The following DPP4 variants were observed in gnomAD, a reference collection of about 807,000 sequenced individuals.
The protein encoded by DPP4 is dipeptidyl peptidase 4, also known as ADCP-2.
DPP4 carries 93 observed loss-of-function variants against 122.4 expected under a neutral mutation model. The ratio of observed to expected loss-of-function variants is 0.76; its 90% CI spans 0.64 to 0.90. The LOEUF is 0.90. Among genes scored for constraint, DPP4 ranks in the 40% least tolerant of loss-of-function variants. The pLI is 0.00. For missense variants in DPP4, 914 were observed against 907.3 expected, an observed-to-expected ratio of 1.01 and a Z score of -0.09; for synonymous variants, 321 against 302.9, an observed-to-expected ratio of 1.06 and a Z score of -0.62.
intron 2 of DPP4, among the ~76,000 whole-genome samples, chr2:162,069,820 T>A (rs944802284): frequency 6.6e-5 from 10 of 152,208 alleles, no homozygotes; most frequent in African/African-American, 2.4e-4. Context: ...CATTTGGGTT[T>A]TCTCTTATTA....
chr2:161,996,906 G>A (rs1008385724), intron 23 of DPP4, among the ~76,000 whole-genome samples: 1 of 152,168 alleles, frequency 6.6e-6, no homozygotes, highest in Non-Finnish European at 1.5e-5. Context: ...TTAAACAAGG[G>A]TGGGCTACTG....
intron 8 of DPP4, 97 bp from the exon 9 acceptor site, chr2:162,035,421 A>T (rs1576054836): frequency 3.6e-6 from 4 of 1,115,824 alleles, no homozygotes; most frequent in South Asian, 1.6e-5. Context: ...TAATTACAGT[A>T]GAGTTCAACT....
chr2:162,008,528 C>G, intron 22 of DPP4, 34 bp downstream of exon 22: 1 of 1,578,450 alleles, frequency 6.3e-7, no homozygotes, highest in Non-Finnish European at 8.7e-7. Flanking sequence ...GGTCAACACT[C>G]CGTATCTCTT....
chr2:162,014,700 T>C (rs989646252), intron 18 of DPP4, among the ~76,000 whole-genome samples: 25 of 152,348 alleles, frequency 1.6e-4, no homozygotes, highest in African/African-American at 5.5e-4. Context: ...ATCTATTAAA[T>C]ACATTGGTGC....
intron 2 of DPP4, among the ~76,000 whole-genome samples, chr2:162,048,710 C>G (rs1206659498): frequency 6.6e-6 from 1 of 152,160 alleles, no homozygotes; most frequent in Non-Finnish European, 1.5e-5. Flanking sequence ...TTCATGAAGA[C>G]TAGTTCTGCC....
intron 14 of DPP4, among the ~76,000 whole-genome samples, 165 bp downstream of exon 14, chr2:162,020,064 A>C (rs1247561973): frequency 6.6e-6 from 1 of 152,228 alleles, no homozygotes; most frequent in African/African-American, 2.4e-5. Context: ...TGCTAAGCAT[A>C]TGTGAAAATC....
In DPP4 at chr2:162,045,531, C is replaced by T. The variant is rs1247440323; in HGVS notation, c.366+1G>A. ...TTACAGTAAGAAAGCATTTATTTTA[C>T]CTTCACGTAGTTGTATTCTAAGAGA... On this transcript the variant is annotated splice_donor_variant, in intron 5 of 25. Transcript: ENST00000360534. LOFTEE classifies it high-confidence loss of function. 2 of 1,599,268 alleles carry T rather than the reference C, an allele frequency of 1.3e-6. No individual in the cohort carries two copies. The highest frequency in any genetic ancestry group is 1.3e-5 in the African/African-American group (1 of 74,544).
intron 1 of DPP4, 143 bp from the exon 2 acceptor site, chr2:162,073,629 T>C (rs1576080163): frequency 5.4e-6 from 4 of 735,650 alleles, no homozygotes; most frequent in Non-Finnish European, 9.4e-6. Context: ...GGGGTGGGGG[T>C]GGCGTCTGGA....
chr2:162,024,734 C>T, intron 11 of DPP4, 70 bp downstream of exon 11: 6 of 1,542,166 alleles, frequency 3.9e-6, no homozygotes, highest in Non-Finnish European at 5.2e-6. Context: ...CCAGCCTTCA[C>T]TCTCCCCAAC....
At chr2:162,011,709 A>G in intron 20 of DPP4, 84 bp downstream of exon 20, 1 of 1,384,372 alleles carries the variant, frequency 7.2e-7, no homozygotes, top group South Asian at 1.4e-5. Context: ...ACTTTAAATT[A>G]TTTACACTTT....
At chr2:162,058,962 T>C (rs992925995) in intron 2 of DPP4, among the ~76,000 whole-genome samples, 1 of 152,234 alleles carries the variant, frequency 6.6e-6, no homozygotes, top group Non-Finnish European at 1.5e-5. Flanking sequence ...GAAACTCCAA[T>C]TACCCTGAAA....
intron 2 of DPP4, among the ~76,000 whole-genome samples, chr2:162,055,541 CA>C (rs1431945071): frequency 2.6e-5 from 4 of 151,112 alleles, no homozygotes; most frequent in East Asian, 1.9e-4. Context: ...TACTAAAATA[CA>C]AAAAAAAGTC....
At chr2:162,006,912 AT>A (rs1489096321) in intron 22 of DPP4, among the ~76,000 whole-genome samples, 1 of 152,090 alleles carries the variant, frequency 6.6e-6, no homozygotes, top group East Asian at 1.9e-4. Flanking sequence ...GATTTCATTA[AT>A]TTTAAAAATG....
intron 12 of DPP4, chr2:162,021,343 AT>A (rs1199483728): frequency 6.6e-6 from 1 of 152,124 alleles, no homozygotes; most frequent in Non-Finnish European, 1.5e-5. Flanking sequence ...ACAAATTTCC[AT>A]TTTTTTACAG....
intron 23 of DPP4, among the ~76,000 whole-genome samples, chr2:161,996,475 G>C (rs1472473677): frequency 1.3e-5 from 2 of 152,132 alleles, no homozygotes; most frequent in Non-Finnish European, 2.9e-5. Flanking sequence ...TGGGAACCTT[G>C]GTGGTCTGGC....
At chr2:162,023,533 C>T (rs1414480835) in intron 11 of DPP4, among the ~76,000 whole-genome samples, 1 of 152,208 alleles carries the variant, frequency 6.6e-6, no homozygotes, top group Non-Finnish European at 1.5e-5. Context: ...GATGCCTTTG[C>T]ACAGCCCTCT....
At chr2:162,005,307 TG>T (rs1409447741) in intron 23 of DPP4, among the ~76,000 whole-genome samples, 1 of 152,134 alleles carries the variant, frequency 6.6e-6, no homozygotes, top group African/African-American at 2.4e-5. Context: ...CTTAAATCTT[TG>T]TGAAAAAAAA....
chr2:162,037,833 C>T (rs1683830915), intron 8 of DPP4, among the ~76,000 whole-genome samples: 1 of 151,942 alleles, frequency 6.6e-6, no homozygotes, highest in African/African-American at 2.4e-5. Context: ...ATAATTTGTC[C>T]AAGTTCAAAT....
At chr2:162,017,343 T>C in intron 16 of DPP4, 188 bp from the exon 17 acceptor site, 1 of 580,638 alleles carries the variant, frequency 1.7e-6, no homozygotes, top group Non-Finnish European at 3.1e-6. Context: ...AGTTGCAATT[T>C]CAGTGTAAGA....
Sources: allele counts gnomAD v4.1 joint callset (sites outside exome capture counted in the v4.1 genomes callset), GRCh38; gene constraint gnomAD v4.1.1; transcripts MANE v1.5; gene names NCBI Gene and HGNC (gene_info 2026-07-23, HGNC 2026-07-21).